Variants in NUBPL observed in about 807,000 individuals in gnomAD.
NUBPL encodes NUBP iron-sulfur cluster assembly factor, mitochondrial, also known as iron-sulfur cluster transfer protein NUBPL.
A neutral mutation model predicts 45.7 loss-of-function variants in NUBPL; 31 were observed. That is an observed-to-expected ratio of 0.68 (90% CI 0.51 to 0.92). The LOEUF (loss-of-function observed/expected upper bound fraction) is 0.92, where lower values mean the gene tolerates loss of function less well. Ranked by LOEUF, NUBPL falls within the 40% of genes least tolerant of loss-of-function variation. NUBPL has a pLI of 0.00. For missense variants in NUBPL, 401 were observed against 398.7 expected (o/e 1.01, Z -0.05); for synonymous variants, 144 against 140.9 (o/e 1.02, Z -0.15).
intron 10 of NUBPL, among the ~76,000 whole-genome samples, chr14:31,855,268 CCTTT>C (rs1473925014): frequency 6.6e-6 from 1 of 152,132 alleles, no homozygotes; most frequent in Non-Finnish European, 1.5e-5. Context: ...TTGAGAGAAA[CCTTT>C]CTTTATAAGT....
intron 7 of NUBPL, among the ~76,000 whole-genome samples, chr14:31,812,683 A>C (rs1048657670): frequency 6.6e-6 from 1 of 152,130 alleles, no homozygotes; most frequent in African/African-American, 2.4e-5. Flanking sequence ...CAGGTACCTC[A>C]GTTGGAAATG....
chr14:31,703,925 A>G (rs1268370364), intron 6 of NUBPL, among the ~76,000 whole-genome samples: 1 of 151,960 alleles, frequency 6.6e-6, no homozygotes, highest in Non-Finnish European at 1.5e-5. Flanking sequence ...CCAAATTATC[A>G]TTTTTAGAGA....
At chr14:31,818,068 A>G (rs550611793) in intron 7 of NUBPL, among the ~76,000 whole-genome samples, 1 of 152,326 alleles carries the variant, frequency 6.6e-6, no homozygotes, top group South Asian at 2.1e-4. Context: ...TAAAAAGACA[A>G]AGAAGGGCAT....
At chr14:31,849,387 A>T (rs556149421) in intron 9 of NUBPL, among the ~76,000 whole-genome samples, 4 of 152,212 alleles carry the variant, frequency 2.6e-5, no homozygotes, top group South Asian at 2.1e-4. Flanking sequence ...TTCATTTGTG[A>T]TAGTGTGCTG....
intron 9 of NUBPL, among the ~76,000 whole-genome samples, chr14:31,847,162 C>T (rs1252151559): frequency 1.3e-5 from 2 of 152,108 alleles, no homozygotes; most frequent in East Asian, 1.9e-4. Flanking sequence ...AGTCCAAGTA[C>T]TGTAATTTGA....
intron 4 of NUBPL, among the ~76,000 whole-genome samples, chr14:31,608,220 T>G (rs930818265): frequency 6.6e-6 from 1 of 152,166 alleles, no homozygotes; most frequent in Non-Finnish European, 1.5e-5. Flanking sequence ...ACACCAGACT[T>G]GAGCTACAGG....
chr14:31,830,219 T>C (rs747960327), intron 8 of NUBPL, among the ~76,000 whole-genome samples: 19 of 152,232 alleles, frequency 1.2e-4, no homozygotes, highest in Non-Finnish European at 2.6e-4. Context: ...AATTTATTTT[T>C]CCACAAATCT....
rs569577577 is a variant in NUBPL at position 31,753,630 on chromosome 14, C to T, written c.514-34150C>T. 8.5e-5 allele frequency among the ~76,000 whole-genome samples: 13 copies of T among 152,230 alleles called. No homozygotes were observed. In the East Asian group the frequency reaches 2.5e-3, roughly 29 times the overall value. ...AAGTGGCACTATTCCCAAAAAGGTG[C>T]TGTGCTAGTACACCTTGGGTCCTGG... On this transcript the variant is annotated intron_variant, in intron 6 of 10. Coordinates refer to ENST00000281081, the MANE Select transcript of NUBPL (RefSeq NM_025152.3).
At chr14:31,635,665 A>G (rs953113953) in intron 4 of NUBPL, among the ~76,000 whole-genome samples, 2 of 151,956 alleles carry the variant, frequency 1.3e-5, no homozygotes, top group Non-Finnish European at 2.9e-5. Flanking sequence ...CATTGAATCT[A>G]TAAATTCCCT....
intron 7 of NUBPL, among the ~76,000 whole-genome samples, chr14:31,811,787 C>A (rs1475245568): frequency 6.6e-6 from 1 of 152,046 alleles, no homozygotes; most frequent in Non-Finnish European, 1.5e-5. Flanking sequence ...TGATGTTGAC[C>A]TACAGATGGG....
At chr14:31,685,109 C>A (rs755596859) in intron 6 of NUBPL, among the ~76,000 whole-genome samples, 1 of 152,204 alleles carries the variant, frequency 6.6e-6, no homozygotes, top group South Asian at 2.1e-4. Flanking sequence ...TTTCAGCTCA[C>A]ACCTCAGACC....
intron 6 of NUBPL, among the ~76,000 whole-genome samples, chr14:31,745,507 G>A (rs1354419565): frequency 6.6e-6 from 1 of 152,108 alleles, no homozygotes; most frequent in Admixed American, 6.5e-5. Flanking sequence ...TGCTAGCCAG[G>A]ATGGTCTTGA....
At chr14:31,666,258 TA>T (rs1566487153) in intron 4 of NUBPL, among the ~76,000 whole-genome samples, 2,694 of 59,110 alleles carry the variant, frequency 0.046, 176 homozygotes, top group African/African-American at 0.16. Flanking sequence ...TATATATATA[TA>T]TATAATTTTA....
intron 4 of NUBPL, among the ~76,000 whole-genome samples, chr14:31,615,681 T>C (rs1023321541): frequency 7.2e-5 from 11 of 152,242 alleles, no homozygotes; most frequent in Non-Finnish European, 1.5e-4. Flanking sequence ...CATATTTTCT[T>C]TATCCAGTCC....
intron 6 of NUBPL, among the ~76,000 whole-genome samples, chr14:31,747,399 A>C (rs1400499897): frequency 1.3e-5 from 2 of 152,208 alleles, no homozygotes; most frequent in East Asian, 3.9e-4. Context: ...GGCCTCCCAA[A>C]GTGCTGGGAT....
intron 8 of NUBPL, among the ~76,000 whole-genome samples, chr14:31,834,310 A>G (rs1209942313): frequency 1.3e-5 from 2 of 150,862 alleles, no homozygotes; most frequent in Non-Finnish European, 2.9e-5. Context: ...CCTCCTGAGT[A>G]GCTGGGACTA....
intron 6 of NUBPL, chr14:31,714,917 C>T (rs951585103): frequency 2.0e-5 from 3 of 152,268 alleles, no homozygotes; most frequent in South Asian, 2.1e-4. Context: ...AAACAACAAA[C>T]GAGAAATAAG....
At position 31,574,628 on chromosome 14, in the gene NUBPL, T is replaced by A. The variant is rs1413968379; in HGVS notation, c.291+9580T>A. On this transcript the variant is annotated intron_variant, in intron 3 of 10. Coordinates refer to ENST00000281081, the MANE Select transcript of NUBPL (RefSeq NM_025152.3). ...TTTGGAGAGATGGAGTCTTGCTCTGTTGCCCAGGCTGGAGTGCAGTGGCCT... is the reference window on the plus strand; with the variant it reads ...TTTGGAGAGATGGAGTCTTGCTCTGATGCCCAGGCTGGAGTGCAGTGGCCT... Among the ~76,000 whole-genome samples, 12 of 145,444 alleles carry A rather than the reference T, an allele frequency of 8.3e-5. No individual in the cohort carries two copies. The Admixed American group carries it at 8.3e-4, about 10-fold the overall frequency.
intron 10 of NUBPL, 68 bp downstream of exon 10, chr14:31,850,269 TGGG>T: frequency 8.0e-7 from 1 of 1,255,462 alleles, no homozygotes; most frequent in Non-Finnish European, 1.2e-6. Context: ...GAAAGAAAGT[TGGG>T]AAGATTAAGC....
Sources: allele counts gnomAD v4.1 joint callset (sites outside exome capture counted in the v4.1 genomes callset), GRCh38; gene constraint gnomAD v4.1.1; transcripts MANE v1.5; gene names NCBI Gene and HGNC (gene_info 2026-07-23, HGNC 2026-07-21).